BTBD8: variants seen among roughly 807,000 people sequenced by gnomAD.
BTBD8 encodes the protein BTB domain containing 8.
Under a neutral mutation model 162.9 loss-of-function variants are expected in BTBD8, and 110 were observed. The ratio of observed to expected loss-of-function variants is 0.68; its 90% CI spans 0.58 to 0.79. The LOEUF (loss-of-function observed/expected upper bound fraction) is 0.79, where lower values mean the gene tolerates loss of function less well. Among genes scored for constraint, BTBD8 ranks in the 30% least tolerant of loss-of-function variants. BTBD8 has a pLI of 0.00. For synonymous variants in BTBD8, 667 were observed against 716.1 expected (o/e 0.93, Z 1.10); for missense variants, 1,905 against 2,085.4 (o/e 0.91, Z 1.68).
chr1:92,180,656 C>T lies in BTBD8; in HGVS notation c.2973C>T (p.Leu991=). 1 of 1,551,326 alleles carries T rather than the reference C, an allele frequency of 6.4e-7. No individual in the cohort carries two copies. The highest frequency in any genetic ancestry group is 8.7e-7 in the Non-Finnish European group (1 of 1,146,894). Residue 991 remains leucine, a synonymous_variant, in exon 17 of 18, where the codon CTC becomes CTT. Transcript: ENST00000636805. ...SVSEQKPHKP[L]INLASEISDA... Reference sequence around the variant, plus strand: ...CTGAACAGAAGCCTCACAAACCTCTCATTAATCTTGCATCTGAAATAAGTG... The same window carrying T: ...CTGAACAGAAGCCTCACAAACCTCTTATTAATCTTGCATCTGAAATAAGTG...
intron 2 of BTBD8, among the ~76,000 whole-genome samples, chr1:92,093,311 G>T (rs1648364048): frequency 6.7e-6 from 1 of 150,188 alleles, no homozygotes; most frequent in African/African-American, 2.5e-5. Context: ...TCCAGCCTCA[G>T]CCTCTTGAGT....
chr1:92,126,831 G>A (rs1300797047), intron 4 of BTBD8, among the ~76,000 whole-genome samples: 6 of 151,952 alleles, frequency 3.9e-5, no homozygotes, highest in Admixed American at 1.3e-4. Context: ...ATAACTTTCC[G>A]GTTTTAAGCA....
intron 1 of BTBD8, among the ~76,000 whole-genome samples, chr1:92,083,425 A>G (rs72956803): frequency 0.078 from 11,923 of 152,062 alleles, 1,349 homozygotes; most frequent in African/African-American, 0.25. Flanking sequence ...TGATTACTGC[A>G]TTGGCCAGTG....
At chr1:92,126,033 G>A in intron 4 of BTBD8, 1 of 480,686 alleles carries the variant, frequency 2.1e-6, no homozygotes. Context: ...AATCCATATG[G>A]GAAGCACACT....
intron 16 of BTBD8, 64 bp from the exon 17 acceptor site, chr1:92,180,196 ATTACT>A: frequency 8.7e-7 from 1 of 1,151,524 alleles, no homozygotes; most frequent in Non-Finnish European, 1.2e-6. Context: ...TTTAAAACAA[ATTACT>A]AAATTTTACT....
intron 2 of BTBD8, among the ~76,000 whole-genome samples, chr1:92,100,177 GA>G (rs1309004630): frequency 6.6e-6 from 1 of 152,140 alleles, no homozygotes; most frequent in African/African-American, 2.4e-5. Context: ...GAATTCCTGA[GA>G]TACATCTGTT....
intron 15 of BTBD8, 32 bp from the exon 16 acceptor site, chr1:92,178,280 G>A (rs1016352984): frequency 3.9e-6 from 6 of 1,525,224 alleles, no homozygotes; most frequent in Non-Finnish European, 5.3e-6. Context: ...TGGAATCTAA[G>A]TGTAATACTG....
chr1:92,124,853 A>T (rs1649310280), intron 4 of BTBD8, among the ~76,000 whole-genome samples: 1 of 152,294 alleles, frequency 6.6e-6, no homozygotes. Context: ...TCCTTTCTTG[A>T]ACATAATTAT....
At chr1:92,170,628 A>G (rs1315952699) in intron 12 of BTBD8, among the ~76,000 whole-genome samples, 1 of 152,154 alleles carries the variant, frequency 6.6e-6, no homozygotes, top group Non-Finnish European at 1.5e-5. Context: ...TTTAATAAAA[A>G]TCAAATAATT....
In BTBD8 at chr1:92,167,943, G is replaced by C; in HGVS notation, c.1401G>C (p.Met467Ile). 1 of 1,550,260 alleles carries C rather than the reference G, an allele frequency of 6.5e-7. No individual in the cohort carries two copies. The highest frequency in any genetic ancestry group is 8.7e-7 in the Non-Finnish European group (1 of 1,146,024). ...ITTENSCSLL[M>I]ALDTLLNSDS... ...CTGAAAATAGCTGCTCTCTTCTTAT[G>C]GCTCTGGACACACTGCTGAACTCTG... The change falls in exon 11 of 18, where the codon ATG (methionine) becomes ATC (isoleucine). Residue 467 changes from methionine to isoleucine, a missense_variant. Transcript: ENST00000636805.
chr1:92,148,935 A>G (rs541135390), intron 9 of BTBD8, among the ~76,000 whole-genome samples: 5 of 152,350 alleles, frequency 3.3e-5, no homozygotes, highest in Non-Finnish European at 5.9e-5. Flanking sequence ...CCCAGGCTCT[A>G]TGAGTAAAAT....
chr1:92,084,443 C>T (rs1319062830), intron 1 of BTBD8, among the ~76,000 whole-genome samples: 1 of 152,148 alleles, frequency 6.6e-6, no homozygotes, highest in Non-Finnish European at 1.5e-5. Context: ...AACATCTGAG[C>T]TCCTGGGCCC....
At chr1:92,128,795 G>T (rs147453823) in intron 4 of BTBD8, among the ~76,000 whole-genome samples, 1 of 152,232 alleles carries the variant, frequency 6.6e-6, no homozygotes, top group African/African-American at 2.4e-5. Flanking sequence ...TGTAATGTAG[G>T]GATATATTTG....
chr1:92,181,759 G>C lies in BTBD8; in HGVS notation c.4076G>C (p.Arg1359Thr). Residue 1359 changes from arginine (R) to threonine (T), a missense_variant, in exon 17 of 18, where the codon AGG becomes ACG. By Grantham distance (71) the Arg-to-Thr change is moderately conservative (BLOSUM62 -1). This residue lies in a region of BTBD8 where 517 missense variants were observed against 606.6 expected (regional missense o/e 0.85). Transcript: ENST00000636805. ...IWSRSAIVHS[R>T]ERENIPRGSV... ...TCTCGATCTGCAATAGTTCACTCTA[G>C]GGAAAGAGAAAATATTCCACGAGGC... The C allele has an allele frequency of 6.4e-7, 1 of 1,551,410 alleles. No individual in the cohort carries two copies. Among genetic ancestry groups the C allele is most frequent in the African/African-American group, 1.4e-5 (1 of 73,160 alleles).
At chr1:92,081,229 C>T (rs1648005577) in intron 1 of BTBD8, among the ~76,000 whole-genome samples, 1 of 152,206 alleles carries the variant, frequency 6.6e-6, no homozygotes. Flanking sequence ...ATTCCTCTCT[C>T]CACCTAGAGC....
At chr1:92,088,996 TAAG>T (rs1407285301) in intron 2 of BTBD8, 101 bp downstream of exon 2, 2 of 1,139,172 alleles carry the variant, frequency 1.8e-6, no homozygotes, top group Non-Finnish European at 1.2e-6. Context: ...TGTAACCTGA[TAAG>T]AAAAATCCAT....
chr1:92,177,026 T>C lies in BTBD8; in HGVS notation c.1833T>C (p.Asp611=). The change falls in exon 14 of 18, where the codon GAT becomes GAC. Residue 611 remains aspartate, a synonymous_variant. Coordinates refer to ENST00000636805, the MANE Select transcript of BTBD8 (RefSeq NM_001376131.1). The part of the protein sequence containing the change: ...TLKQDDVKEK[D]GTKIASKITK... ...AGCAAGATGATGTAAAGGAAAAAGATGGTACAAAAATAGCATCTAAGATTA... is the reference window on the plus strand; with the variant it reads ...AGCAAGATGATGTAAAGGAAAAAGACGGTACAAAAATAGCATCTAAGATTA... 1 of 1,549,022 alleles carries C rather than the reference T, an allele frequency of 6.5e-7. No individual in the cohort carries two copies. The highest frequency in any genetic ancestry group is 1.2e-5 in the South Asian group (1 of 83,634).
At chr1:92,083,832 G>A (rs1648087008) in intron 1 of BTBD8, among the ~76,000 whole-genome samples, 1 of 152,184 alleles carries the variant, frequency 6.6e-6, no homozygotes, top group Non-Finnish European at 1.5e-5. Flanking sequence ...CTGATGACAT[G>A]CTGGGGAACA....
chr1:92,141,119 A>G lies in BTBD8; in HGVS notation c.838A>G (p.Ile280Val), dbSNP rs763215425. Residue 280 changes from isoleucine to valine, a missense_variant, in exon 7 of 18, where the codon ATA (isoleucine) becomes GTA (valine). Ile to Val is a conservative substitution (Grantham distance 29, BLOSUM62 3). Around this residue, in one of 3 missense-constraint regions of BTBD8, gnomAD observed 1,374 missense variants for 1,442.7 expected, o/e 0.95. Coordinates refer to ENST00000636805, the MANE Select transcript of BTBD8 (RefSeq NM_001376131.1). ...DIPDKTNVGQ[I>V]LNMADMYGLE... ...GTGCATCTATTTTTATTTTAGTCAG[A>G]TACTCAATATGGCTGATATGTATGG... is the stretch of plus-strand genomic sequence containing the variant. 1.9e-6 allele frequency: 3 copies of G among 1,548,424 alleles called. No individual in the cohort carries two copies. Among genetic ancestry groups the G allele is most frequent in the East Asian group, 2.3e-5 (1 of 42,682 alleles).
Sources: gnomAD v4.1 joint callset for allele counts (sites outside exome capture counted in the v4.1 genomes callset) on GRCh38, gnomAD v4.1.1 for gene constraint, gnomAD v4.1.1 regional missense constraint, MANE v1.5 for transcripts, NCBI Gene and HGNC (gene_info 2026-07-23, HGNC 2026-07-21) for gene names.